Variants in GRIA1 observed in about 807,000 individuals in gnomAD.
The protein encoded by GRIA1 is glutamate receptor 1.
A neutral mutation model predicts 99.2 loss-of-function variants in GRIA1; 31 were observed. The observed-to-expected ratio is 0.31, with a 90% CI of 0.23 to 0.42. The LOEUF is 0.42. Ranked by LOEUF, GRIA1 falls within the 10% of genes least tolerant of loss-of-function variation. GRIA1 has a pLI of 1.00. For synonymous variants in GRIA1, 438 were observed against 432.4 expected (o/e 1.01, Z -0.16); for missense variants, 782 against 1,157.5 (o/e 0.68, Z 4.71).
intron 2 of GRIA1, among the ~76,000 whole-genome samples, chr5:153,563,878 T>C (rs1761381966): frequency 6.6e-6 from 1 of 152,206 alleles, no homozygotes; most frequent in Non-Finnish European, 1.5e-5. Flanking sequence ...CAGTCTACTA[T>C]GAGTAGTATT....
Position 153,698,179 on chromosome 5 carries a change from G to T in GRIA1, c.1245+25G>T, listed in dbSNP as rs757497657. On this transcript the variant is annotated intron_variant, in intron 9 of 15. Transcript: ENST00000285900. ...AGTGAGTACTCAGTCCTTCATCAAG[G>T]TTACTTGGGATTCAAGCTAGGCCAG... The T allele has an allele frequency of 1.5e-5, 19 of 1,278,018 alleles. No individual in the cohort carries two copies. The South Asian group carries it at 2.0e-4, about 13-fold the overall frequency. 79.2% of individuals were successfully genotyped at this position (1,278,018 alleles called of 1,614,324 possible).
intron 11 of GRIA1, among the ~76,000 whole-genome samples, chr5:153,759,729 A>G (rs1350942494): frequency 6.6e-6 from 1 of 151,934 alleles, no homozygotes; most frequent in Non-Finnish European, 1.5e-5. Context: ...CTAATCCCAA[A>G]ACCAGACACA....
chr5:153,577,119 TA>T (rs1172179318), intron 2 of GRIA1, among the ~76,000 whole-genome samples: 1 of 140,210 alleles, frequency 7.1e-6, no homozygotes, highest in Non-Finnish European at 1.5e-5. Context: ...GATAAGTGGG[TA>T]GATGAATGGG....
intron 2 of GRIA1, among the ~76,000 whole-genome samples, chr5:153,623,119 A>C (rs1171811652): frequency 6.6e-6 from 1 of 152,234 alleles, no homozygotes; most frequent in East Asian, 1.9e-4. Context: ...CATTAAGGCA[A>C]GGGCAGAAAA....
At chr5:153,501,264 C>T (rs1341493267) in intron 2 of GRIA1, among the ~76,000 whole-genome samples, 3 of 152,148 alleles carry the variant, frequency 2.0e-5, no homozygotes, top group South Asian at 2.1e-4. Flanking sequence ...GCTCATGGAG[C>T]TCACCAGCTA....
chr5:153,787,547 T>G (rs1344269060), intron 13 of GRIA1, among the ~76,000 whole-genome samples: 2 of 152,216 alleles, frequency 1.3e-5, no homozygotes, highest in Non-Finnish European at 2.9e-5. Flanking sequence ...GTTTGATTGT[T>G]TGCTTTATGT....
At chr5:153,614,227 G>C (rs1216367515) in intron 2 of GRIA1, among the ~76,000 whole-genome samples, 1 of 152,118 alleles carries the variant, frequency 6.6e-6, no homozygotes, top group Non-Finnish European at 1.5e-5. Flanking sequence ...TGGGTATTTA[G>C]TTGTTTAATG....
intron 2 of GRIA1, among the ~76,000 whole-genome samples, chr5:153,608,369 G>A (rs747149973): frequency 1.3e-5 from 2 of 151,960 alleles, no homozygotes; most frequent in African/African-American, 2.4e-5. Context: ...TTCACTTTAT[G>A]AAATTTCATT....
chr5:153,700,015 A>G (rs1238562236), intron 10 of GRIA1, among the ~76,000 whole-genome samples: 3 of 152,252 alleles, frequency 2.0e-5, no homozygotes, highest in Non-Finnish European at 4.4e-5. Context: ...TCTATATTGT[A>G]TGGCTCAGCT....
Sources: allele counts gnomAD v4.1 joint callset (sites outside exome capture counted in the v4.1 genomes callset), GRCh38; gene constraint gnomAD v4.1.1; transcripts MANE v1.5; gene names NCBI Gene and HGNC (gene_info 2026-07-23, HGNC 2026-07-21).